The following TLCD4 variants were observed in gnomAD, a reference collection of about 807,000 sequenced individuals.
The protein encoded by TLCD4 is TLC domain containing 4.
In TLCD4, 7 loss-of-function variants were observed where a neutral mutation model predicts 24.2. The observed-to-expected ratio is 0.29, with a 90% CI of 0.16 to 0.54. The LOEUF is 0.54. Among genes scored for constraint, TLCD4 ranks in the 20% least tolerant of loss-of-function variants. The pLI is 0.95. For missense variants in TLCD4, 259 were observed against 313.9 expected, an observed-to-expected ratio of 0.82 and a Z score of 1.32; for synonymous variants, 103 against 106.4, an observed-to-expected ratio of 0.97 and a Z score of 0.20.
chr1:95,106,384 A>G, the TLCD4 span, among the ~76,000 whole-genome samples: 1 of 152,166 alleles, frequency 6.6e-6, no homozygotes, highest in Non-Finnish European at 1.5e-5. Context: ...CCTTTCCCCT[A>G]AAACTAGATT....
chr1:95,118,168 A>ATT (rs1032604289), intron 1 of TLCD4: 6 of 152,162 alleles, frequency 3.9e-5, no homozygotes, highest in African/African-American at 1.4e-4. Context: ...AGTGGGTCCC[A>ATT]TTTTTAGCCA....
chr1:95,126,414 C>T (rs1025096800), intron 1 of TLCD4, among the ~76,000 whole-genome samples: 1 of 121,842 alleles, frequency 8.2e-6, no homozygotes, highest in African/African-American at 3.1e-5. Flanking sequence ...GGTGACAGAA[C>T]GAGACTCTGT....
At chr1:95,167,187 C>T (rs1013677404) in intron 5 of TLCD4, among the ~76,000 whole-genome samples, 11 of 151,916 alleles carry the variant, frequency 7.2e-5, no homozygotes, top group African/African-American at 1.9e-4. Context: ...AAGGAGAAAC[C>T]GAAATTTAGA....
At chr1:95,104,402 C>T in the TLCD4 span, among the ~76,000 whole-genome samples, 3 of 152,250 alleles carry the variant, frequency 2.0e-5, no homozygotes, top group Middle Eastern at 3.4e-3. Flanking sequence ...CGGTGGCTCA[C>T]GCCTGTAATC....
chr1:95,174,024 CA>C, intron 6 of TLCD4, 135 bp downstream of exon 6: 1 of 1,291,070 alleles, frequency 7.7e-7, no homozygotes, highest in Non-Finnish European at 1.0e-6. Context: ...CACCATCATA[CA>C]AATGAGGAAA....
At chr1:95,189,453 T>G (rs886446323) in intron 6 of TLCD4, among the ~76,000 whole-genome samples, 1 of 152,244 alleles carries the variant, frequency 6.6e-6, no homozygotes, top group Non-Finnish European at 1.5e-5. Context: ...TGTGCACTTC[T>G]GTGGGTTTTG....
rs866280876 is a variant in TLCD4 at position 95,191,879 on chromosome 1, C to A, written c.*11C>A. The A allele has an allele frequency of 6.2e-7, 1 of 1,606,868 alleles. No individual in the cohort carries two copies. On this transcript the variant is annotated 3_prime_UTR_variant, in exon 7 of 7. Transcript: ENST00000370203. Reference sequence around the variant, plus strand: ...GGAAAACTTGATTAAAAGAGTGCTACCGATAAGCAAACTTCATTACTACCC... The same window carrying A: ...GGAAAACTTGATTAAAAGAGTGCTAACGATAAGCAAACTTCATTACTACCC...
chr1:95,106,112 C>G, the TLCD4 span, among the ~76,000 whole-genome samples: 2 of 151,980 alleles, frequency 1.3e-5, no homozygotes, highest in Non-Finnish European at 2.9e-5. Flanking sequence ...GATAATATTC[C>G]ATTTAAGAAC....
intron 1 of TLCD4, among the ~76,000 whole-genome samples, chr1:95,121,388 C>T (rs1571719754): frequency 2.0e-5 from 3 of 152,154 alleles, no homozygotes; most frequent in East Asian, 3.9e-4. Context: ...GCAGAAGCAG[C>T]GGATGGAATG....
intron 2 of TLCD4, among the ~76,000 whole-genome samples, chr1:95,146,159 G>A (rs1677341267): frequency 6.6e-6 from 1 of 151,838 alleles, no homozygotes; most frequent in Non-Finnish European, 1.5e-5. Flanking sequence ...GAGCCATCTA[G>A]TATAAAAAGA....
intron 2 of TLCD4, among the ~76,000 whole-genome samples, chr1:95,147,969 C>T: frequency 6.6e-6 from 1 of 152,264 alleles, no homozygotes; most frequent in East Asian, 1.9e-4. Flanking sequence ...CTTATTCCTT[C>T]TATACAAGAA....
At chr1:95,187,902 T>G (rs1001615035) in intron 6 of TLCD4, among the ~76,000 whole-genome samples, 1 of 151,946 alleles carries the variant, frequency 6.6e-6, no homozygotes, top group Admixed American at 6.6e-5. Flanking sequence ...GGAGGCAACT[T>G]CTCTCTGTGT....
At chr1:95,170,403 C>T (rs1315639442) in intron 5 of TLCD4, among the ~76,000 whole-genome samples, 1 of 147,768 alleles carries the variant, frequency 6.8e-6, no homozygotes, top group Non-Finnish European at 1.5e-5. Flanking sequence ...GATTTCGGCT[C>T]ACTGCAAGCT....
At chr1:95,116,244 G>T (rs1217830444), upstream of TLCD4, among the ~76,000 whole-genome samples, 1 of 152,126 alleles carries the variant, frequency 6.6e-6, no homozygotes, top group Non-Finnish European at 1.5e-5. Context: ...TGAAGAAATT[G>T]AGCCTCAGTG....
upstream of TLCD4, among the ~76,000 whole-genome samples, chr1:95,113,963 A>G (rs1676385238): frequency 6.6e-6 from 1 of 152,224 alleles, no homozygotes; most frequent in Admixed American, 6.5e-5. Context: ...TCTCTTAAAA[A>G]AAAAAGTCTC....
chr1:95,166,471 A>G (rs1183181099), intron 5 of TLCD4, among the ~76,000 whole-genome samples: 1 of 152,230 alleles, frequency 6.6e-6, no homozygotes, highest in East Asian at 1.9e-4. Flanking sequence ...AACAAGTAGA[A>G]AGTAACAACT....
intron 1 of TLCD4, among the ~76,000 whole-genome samples, chr1:95,119,894 T>G (rs1676523858): frequency 6.6e-6 from 1 of 150,766 alleles, no homozygotes; most frequent in African/African-American, 2.4e-5. Flanking sequence ...GATACTCAGT[T>G]TGGCTGAGAA....
chr1:95,184,521 A>G (rs1678764180), intron 6 of TLCD4, among the ~76,000 whole-genome samples: 1 of 152,212 alleles, frequency 6.6e-6, no homozygotes, highest in African/African-American at 2.4e-5. Flanking sequence ...GGGAAGGTTC[A>G]AGTTCCTTTA....
Position 95,186,860 on chromosome 1 carries a change from A to C in TLCD4, c.474-4690A>C, listed in dbSNP as rs1036782531. 2.6e-5 allele frequency among the ~76,000 whole-genome samples: 4 copies of C among 152,218 alleles called. No individual in the cohort carries two copies. The South Asian group carries it at 8.3e-4, about 32-fold the overall frequency. ...ACTTATAAAATGTAATACATCTCTC[A>C]TCCTATATAAATTATTTGATATTTT... On this transcript the variant is annotated intron_variant, in intron 6 of 6. Transcript: ENST00000370203.
Sources: allele counts gnomAD v4.1 joint callset (sites outside exome capture counted in the v4.1 genomes callset), GRCh38; gene constraint gnomAD v4.1.1; transcripts MANE v1.5; gene names NCBI Gene and HGNC (gene_info 2026-07-23, HGNC 2026-07-21).